COG4: variants seen among roughly 807,000 people sequenced by gnomAD.
COG4 encodes component of oligomeric golgi complex 4.
A neutral mutation model predicts 95.1 loss-of-function variants in COG4; 65 were observed. The observed-to-expected ratio is 0.68, with a 90% CI of 0.56 to 0.84. The LOEUF (loss-of-function observed/expected upper bound fraction) is 0.84. Ranked by LOEUF, COG4 falls within the 40% of genes least tolerant of loss-of-function variation. The pLI, the probability that COG4 is intolerant of heterozygous loss-of-function variation, is 0.00. For synonymous variants in COG4, 421 were observed against 374.8 expected (o/e 1.12, Z -1.42); for missense variants, 1,045 against 989.1 (o/e 1.06, Z -0.76).
Position 70,498,270 on chromosome 16 carries a change from CTA to C in COG4, c.1196-217_1196-216del, listed in dbSNP as rs140175214. Among the ~76,000 whole-genome samples, 4,846 of 152,102 alleles carry C rather than the reference CTA, an allele frequency of 0.032. 289 individuals carry two copies. The highest frequency in any genetic ancestry group is 0.11 in the African/African-American group (4,578 of 41,484). ...TTTTCACCTACCTTATTTTTCATGA[CTA>C]TGTGGCATTTCATCAGGTGCATAAT... On this transcript the variant is annotated intron_variant, in intron 9 of 18. Transcript: ENST00000323786.
intron 1 of COG4, among the ~76,000 whole-genome samples, chr16:70,521,624 T>G (rs1285925861): frequency 2.0e-5 from 3 of 152,270 alleles, no homozygotes; most frequent in East Asian, 3.9e-4. Flanking sequence ...GTCTGTAAGA[T>G]TTCCATAATT....
At chr16:70,509,860 G>C (rs2049661040) in intron 6 of COG4, 56 bp downstream of exon 6, 2 of 1,285,942 alleles carry the variant, frequency 1.6e-6, no homozygotes, top group Non-Finnish European at 2.3e-6. Flanking sequence ...AGAAAGGCTA[G>C]GATGCAGGTG....
chr16:70,481,045 A>C lies in COG4; in HGVS notation c.2335T>G (p.Phe779Val). 1 of 1,613,150 alleles carries C rather than the reference A, an allele frequency of 6.2e-7. No individual in the cohort carries two copies. The highest frequency in any genetic ancestry group is 8.5e-7 in the Non-Finnish European group (1 of 1,180,012). Residue 779 changes from phenylalanine (F) to valine (V), a missense_variant, in exon 19 of 19, where the codon TTC (phenylalanine) becomes GTC (valine). Phe to Val is a conservative substitution (Grantham distance 50). Transcript: ENST00000323786. ...AGCCTCTTGATATCTTCACTGCGGAAGTCTATCCGCAGGGCCAGCACCTGG... is the reference window on the plus strand; with the variant it reads ...AGCCTCTTGATATCTTCACTGCGGACGTCTATCCGCAGGGCCAGCACCTGG... ...VRQVLALRID[F>V]RSEDIKRLRL
intron 1 of COG4, among the ~76,000 whole-genome samples, chr16:70,521,183 G>A (rs1044126987): frequency 3.3e-5 from 5 of 150,346 alleles, no homozygotes; most frequent in African/African-American, 1.2e-4. Flanking sequence ...AAAGAACTGC[G>A]ATTAGAGGCA....
At chr16:70,518,429 G>A (rs1003655081) in intron 2 of COG4, among the ~76,000 whole-genome samples, 1 of 151,984 alleles carries the variant, frequency 6.6e-6, no homozygotes, top group East Asian at 1.9e-4. Context: ...CACGATCATA[G>A]CTCACTGCAG....
intron 8 of COG4, among the ~76,000 whole-genome samples, chr16:70,503,816 G>C (rs1597675449): frequency 6.9e-6 from 1 of 144,234 alleles, no homozygotes; most frequent in Non-Finnish European, 1.5e-5. Context: ...GGATGGTCTC[G>C]ATCTCCTGAC....
At chr16:70,511,415 G>A (rs956349937) in intron 5 of COG4, among the ~76,000 whole-genome samples, 1 of 152,160 alleles carries the variant, frequency 6.6e-6, no homozygotes, top group South Asian at 2.1e-4. Context: ...GGAGGGGAGT[G>A]ACACACACAG....
chr16:70,492,856 G>T (rs1366004076), intron 12 of COG4, among the ~76,000 whole-genome samples: 1 of 151,814 alleles, frequency 6.6e-6, no homozygotes, highest in African/African-American at 2.4e-5. Context: ...CCAGCTACTT[G>T]GGGGGCTGAG....
chr16:70,515,423 C>T (rs772872045), intron 3 of COG4, among the ~76,000 whole-genome samples: 6 of 152,046 alleles, frequency 3.9e-5, no homozygotes, highest in East Asian at 1.9e-4. Context: ...TGGTGGCTCA[C>T]GCCTGTAATC....
chr16:70,518,291 T>C lies in COG4; in HGVS notation c.255-551A>G, dbSNP rs371886338. Among the ~76,000 whole-genome samples the C allele has an allele frequency of 3.3e-5, 5 of 152,276 alleles. No individual in the cohort carries two copies. The East Asian group carries it at 5.8e-4, about 18-fold the overall frequency. On this transcript the variant is annotated intron_variant, in intron 2 of 18. Coordinates refer to ENST00000323786, the MANE Select transcript of COG4 (RefSeq NM_015386.3). The stretch of plus-strand genomic sequence containing the variant: ...AGTCAAAGAACTAGAGAACAAATTC[T>C]CTCAATTGCTAAGTGAGCATAAGAT...
intron 2 of COG4, among the ~76,000 whole-genome samples, chr16:70,518,837 C>T (rs1297415332): frequency 1.3e-5 from 2 of 151,894 alleles, no homozygotes; most frequent in African/African-American, 4.8e-5. Flanking sequence ...ATTAGCTGGG[C>T]GTGGTGGCAC....
chr16:70,494,106 T>A (rs924522779), intron 12 of COG4, among the ~76,000 whole-genome samples: 1 of 152,198 alleles, frequency 6.6e-6, no homozygotes, highest in Non-Finnish European at 1.5e-5. Flanking sequence ...TGTGGACAGA[T>A]AAGCCTAAAG....
intron 8 of COG4, among the ~76,000 whole-genome samples, chr16:70,505,197 CT>C (rs767606425): frequency 1.8e-3 from 219 of 122,642 alleles, no homozygotes; most frequent in East Asian, 5.8e-3. Context: ...TTTGGATTTT[CT>C]TTTTTTTTTT....
chr16:70,520,329 G>C (rs1035815171), intron 1 of COG4, among the ~76,000 whole-genome samples: 1 of 140,184 alleles, frequency 7.1e-6, no homozygotes, highest in Non-Finnish European at 1.5e-5. Flanking sequence ...TGTAGCCCAA[G>C]CTGCTCAGGA....
chr16:70,488,706 C>A (rs983997973), intron 13 of COG4, among the ~76,000 whole-genome samples: 1 of 152,142 alleles, frequency 6.6e-6, no homozygotes, highest in Non-Finnish European at 1.5e-5. Context: ...TGCCACCACA[C>A]CCAGCTAATT....
intron 18 of COG4, 74 bp from the exon 19 acceptor site, chr16:70,481,218 G>A: frequency 3.1e-6 from 5 of 1,606,966 alleles, no homozygotes; most frequent in South Asian, 1.1e-5. Flanking sequence ...TCTACCAGGG[G>A]CAGAGCAGGG....
intron 1 of COG4, among the ~76,000 whole-genome samples, 168 bp from the exon 2 acceptor site, chr16:70,519,899 GA>G (rs1174419320): frequency 2.0e-5 from 3 of 152,190 alleles, no homozygotes; most frequent in Non-Finnish European, 2.9e-5. Context: ...TATGTTGCAT[GA>G]TTGTTATCTT....
At chr16:70,512,641 T>C (rs1321833428) in intron 4 of COG4, among the ~76,000 whole-genome samples, 1 of 152,200 alleles carries the variant, frequency 6.6e-6, no homozygotes, top group Non-Finnish European at 1.5e-5. Context: ...AGATAGTTTG[T>C]GCACAAATCA....
At position 70,523,205 on chromosome 16, in the gene COG4, GAA is replaced by G. The variant is rs926169680; in HGVS notation, c.171+166_171+167del. 1.2e-5 allele frequency: 9 copies of G among 752,844 alleles called. No homozygotes were observed. The African/African-American group carries it at 1.4e-4, about 12-fold the overall frequency. 46.6% of individuals were successfully genotyped at this position (752,844 alleles called of 1,614,324 possible). A position where few individuals can be genotyped will look rare whatever the true frequency, so the allele number is the denominator to read the frequency against. ...ACAAGCTCGGCGCGTCCGACAGCGTGAAAAGAGTTGACAGGACTACTCATATA... is the reference window on the plus strand; with the variant it reads ...ACAAGCTCGGCGCGTCCGACAGCGTGAAGAGTTGACAGGACTACTCATATA... On this transcript the variant is annotated intron_variant, in intron 1 of 18. Coordinates refer to ENST00000323786, the MANE Select transcript of COG4 (RefSeq NM_015386.3).
Sources: gnomAD v4.1 joint callset for allele counts (sites outside exome capture counted in the v4.1 genomes callset) on GRCh38, gnomAD v4.1.1 for gene constraint, MANE v1.5 for transcripts, NCBI Gene and HGNC (gene_info 2026-07-23, HGNC 2026-07-21) for gene names.